R3HDM1: variants seen among roughly 807,000 people sequenced by gnomAD.
R3HDM1 encodes R3H domain-containing protein 1.
A neutral mutation model predicts 141.1 loss-of-function variants in R3HDM1; 46 were observed. The observed-to-expected ratio is 0.33, with a 90% CI of 0.26 to 0.42. R3HDM1 has a LOEUF of 0.42. R3HDM1 is among the 10% of genes least tolerant of loss of function. The pLI is 1.00. For synonymous variants in R3HDM1, 435 were observed against 472.9 expected, an observed-to-expected ratio of 0.92 and a Z score of 1.04; for missense variants, 1,184 against 1,368.3, an observed-to-expected ratio of 0.87 and a Z score of 2.12.
At chr2:135,632,328 TAAAAA>T (rs11335011) in intron 9 of R3HDM1, among the ~76,000 whole-genome samples, 1 of 135,866 alleles carries the variant, frequency 7.4e-6, no homozygotes. Context: ...TAGTCAAATT[TAAAAA>T]AAAAAAAAAA....
intron 3 of R3HDM1, among the ~76,000 whole-genome samples, chr2:135,608,897 A>G (rs2060296273): frequency 6.6e-6 from 1 of 152,214 alleles, no homozygotes; most frequent in Admixed American, 6.5e-5. Flanking sequence ...GCTTCAGCAT[A>G]GTAATATTTA....
chr2:135,713,857 G>T (rs2075906548), intron 23 of R3HDM1, among the ~76,000 whole-genome samples: 2 of 151,988 alleles, frequency 1.3e-5, no homozygotes, highest in Admixed American at 6.6e-5. Context: ...GTGGAGGTTT[G>T]GGGCATAAAA....
chr2:135,664,898 G>GT (rs1401569058), intron 19 of R3HDM1, among the ~76,000 whole-genome samples: 1 of 152,190 alleles, frequency 6.6e-6, no homozygotes, highest in African/African-American at 2.4e-5. Context: ...TGTAACTGGT[G>GT]TTAGGCATAT....
At chr2:135,612,579 G>T (rs1279951980) in intron 3 of R3HDM1, among the ~76,000 whole-genome samples, 1 of 151,960 alleles carries the variant, frequency 6.6e-6, no homozygotes, top group Non-Finnish European at 1.5e-5. Flanking sequence ...TTCATATTCT[G>T]CACCCATTTT....
rs1694666725 is a variant in R3HDM1, at chr2:135,531,503, C to T, written c.-380C>T. ...GGCGGGATTCTGCCAGCCGCGGCTG[C>T]CGCTGGAGCCGGTGTCCGGGCTGGT... On this transcript the variant is annotated 5_prime_UTR_variant, in exon 1 of 27. Transcript: ENST00000683871. The T allele has an allele frequency of 1.0e-6, 1 of 985,730 alleles. No individual in the cohort carries two copies. The highest frequency in any genetic ancestry group is 1.7e-5 in the African/African-American group (1 of 57,184). 61.1% of individuals were successfully genotyped at this position (985,730 alleles called of 1,614,324 possible).
chr2:135,603,353 A>T (rs1471803332), intron 2 of R3HDM1, among the ~76,000 whole-genome samples: 1 of 152,158 alleles, frequency 6.6e-6, no homozygotes. Context: ...TTTCAAATTG[A>T]TATAGAGAAA....
At chr2:135,690,733 C>G (rs79733949) in intron 21 of R3HDM1, among the ~76,000 whole-genome samples, 7 of 129,012 alleles carry the variant, frequency 5.4e-5, no homozygotes, top group East Asian at 5.4e-4. Flanking sequence ...TTGTTTGTTT[C>G]TTTTTTTCTT....
intron 23 of R3HDM1, among the ~76,000 whole-genome samples, chr2:135,712,643 C>T (rs548952059): frequency 5.9e-5 from 9 of 151,908 alleles, no homozygotes; most frequent in African/African-American, 1.2e-4. Context: ...CACTTCCGGC[C>T]GGGCACGATG....
Position 135,663,739 on chromosome 2 carries a change from G to T in R3HDM1, c.2152+2346G>T, listed in dbSNP as rs374586754. ...ATCATTAATTTTTATGTCAAAACTTGCAGAAGGCCAGGCACGGTGGCTCAC... is the reference window on the plus strand; with the variant it reads ...ATCATTAATTTTTATGTCAAAACTTTCAGAAGGCCAGGCACGGTGGCTCAC... On this transcript the variant is annotated intron_variant, in intron 19 of 26. Transcript: ENST00000683871. Among the ~76,000 whole-genome samples the T allele has an allele frequency of 1.3e-3, 204 of 152,144 alleles. 2 individuals carry two copies. The highest frequency in any genetic ancestry group is 4.3e-3 in the African/African-American group (179 of 41,514).
At position 135,652,152 on chromosome 2, in the gene R3HDM1, G is replaced by A. The variant is rs572195030; in HGVS notation, c.2028+120G>A. ...GAATTTGTGAGAGTATATAAACAAAGCATATACTCATCTTTCCGCCTCTGG... is the reference window on the plus strand; with the variant it reads ...GAATTTGTGAGAGTATATAAACAAAACATATACTCATCTTTCCGCCTCTGG... On this transcript the variant is annotated intron_variant, in intron 18 of 26. Transcript: ENST00000683871. The A allele has an allele frequency of 1.8e-4, 249 of 1,359,160 alleles. 1 individual carries two copies. In the African/African-American group the frequency reaches 1.8e-3, roughly 10 times the overall value. 84.2% of individuals were successfully genotyped at this position (1,359,160 alleles called of 1,614,324 possible).
intron 1 of R3HDM1, among the ~76,000 whole-genome samples, chr2:135,575,069 T>A (rs1391157393): frequency 6.6e-6 from 1 of 152,194 alleles, no homozygotes. Flanking sequence ...TCTGAAAGGC[T>A]CCAAAATTCA....
intron 3 of R3HDM1, among the ~76,000 whole-genome samples, chr2:135,607,028 C>T (rs2060135204): frequency 6.6e-6 from 1 of 151,542 alleles, no homozygotes; most frequent in Non-Finnish European, 1.5e-5. Context: ...CTCGCTCTGT[C>T]ACCAGGCTGG....
At chr2:135,565,759 C>G (rs1702647485) in intron 1 of R3HDM1, 1 of 151,900 alleles carries the variant, frequency 6.6e-6, no homozygotes, top group Non-Finnish European at 1.5e-5. Context: ...GAAACTAAAT[C>G]ACTGCCTTGT....
At chr2:135,597,170 T>G in intron 1 of R3HDM1, 1 of 975,400 alleles carries the variant, frequency 1.0e-6, no homozygotes, top group Non-Finnish European at 1.2e-6. Context: ...CTTTCCTTCT[T>G]GCTTATAATG....
intron 21 of R3HDM1, among the ~76,000 whole-genome samples, chr2:135,705,597 C>T (rs2074795223): frequency 6.6e-6 from 1 of 152,108 alleles, no homozygotes; most frequent in African/African-American, 2.4e-5. Flanking sequence ...GATAACACCA[C>T]TGCATTCCAG....
intron 1 of R3HDM1, among the ~76,000 whole-genome samples, chr2:135,590,101 G>GT (rs1206457662): frequency 6.6e-6 from 1 of 152,124 alleles, no homozygotes; most frequent in Admixed American, 6.6e-5. Context: ...CCAAAAATAA[G>GT]TAAGAGTCAC....
chr2:135,677,039 A>G lies in R3HDM1; in HGVS notation c.2307+1553A>G, dbSNP rs957357677. Among the ~76,000 whole-genome samples, 21 of 152,218 alleles carry G rather than the reference A, an allele frequency of 1.4e-4. 1 individual carries two copies. The highest frequency in any genetic ancestry group is 1.1e-3 in the Admixed American group (17 of 15,284). On this transcript the variant is annotated intron_variant, in intron 20 of 26. Coordinates refer to ENST00000683871, the MANE Select transcript of R3HDM1 (RefSeq NM_001378107.1). The stretch of plus-strand genomic sequence containing the variant: ...GGACTTGATTTGAAGCCTTCTGGGA[A>G]GTTAGAAACCTTTAGCTCTTCAAAG...
At chr2:135,712,618 C>T (rs968555484) in intron 23 of R3HDM1, among the ~76,000 whole-genome samples, 9 of 151,766 alleles carry the variant, frequency 5.9e-5, no homozygotes, top group African/African-American at 2.2e-4. Context: ...TGGTGGCTTA[C>T]GACTGTAATC....
At chr2:135,550,904 A>T (rs1229095287) in intron 1 of R3HDM1, among the ~76,000 whole-genome samples, 1 of 152,222 alleles carries the variant, frequency 6.6e-6, no homozygotes, top group Non-Finnish European at 1.5e-5. Flanking sequence ...CTACAATTAT[A>T]CTTCGTATTT....
Sources: allele counts gnomAD v4.1 joint callset (sites outside exome capture counted in the v4.1 genomes callset), GRCh38; gene constraint gnomAD v4.1.1; transcripts MANE v1.5; gene names NCBI Gene and HGNC (gene_info 2026-07-23, HGNC 2026-07-21).